Variants in RHPN2 observed in about 807,000 individuals in gnomAD.
RHPN2 encodes rhophilin Rho GTPase binding protein 2, also known as rhophilin-2.
In RHPN2, 40 loss-of-function variants were observed where a neutral mutation model predicts 79.0. The observed-to-expected ratio is 0.51, with a 90% CI of 0.39 to 0.66. The LOEUF is 0.66. RHPN2 is among the 30% of genes least tolerant of loss of function. The pLI, the probability that RHPN2 is intolerant of heterozygous loss-of-function variation, is 0.00. For synonymous variants in RHPN2, 285 were observed against 363.5 expected (o/e 0.78, Z 2.46); for missense variants, 686 against 883.5 (o/e 0.78, Z 2.83).
chr19:32,995,104 G>A (rs1429480593), intron 11 of RHPN2, among the ~76,000 whole-genome samples: 2 of 152,030 alleles, frequency 1.3e-5, no homozygotes, highest in African/African-American at 4.8e-5. Flanking sequence ...ACAGGGTGTC[G>A]CTCTGTCGCC....
intron 1 of RHPN2, among the ~76,000 whole-genome samples, chr19:33,053,513 T>C (rs1210614349): frequency 6.7e-6 from 1 of 149,808 alleles, no homozygotes; most frequent in Non-Finnish European, 1.5e-5. Flanking sequence ...AACCTCTGCC[T>C]CCTAGGTTCA....
At chr19:33,001,614 T>C (rs923763856) in intron 9 of RHPN2, among the ~76,000 whole-genome samples, 2 of 152,172 alleles carry the variant, frequency 1.3e-5, no homozygotes, top group African/African-American at 4.8e-5. Context: ...TTTATTATTA[T>C]TAGTTTTTTT....
chr19:33,039,738 T>C (rs1191730867), intron 2 of RHPN2, among the ~76,000 whole-genome samples: 2 of 151,712 alleles, frequency 1.3e-5, no homozygotes, highest in Non-Finnish European at 2.9e-5. Flanking sequence ...CTCAGGAGGC[T>C]GAGGCAGGAG....
intron 1 of RHPN2, among the ~76,000 whole-genome samples, chr19:33,050,896 C>T (rs1487783217): frequency 1.3e-5 from 2 of 152,046 alleles, no homozygotes; most frequent in Admixed American, 6.6e-5. Context: ...GAGGAACATA[C>T]TAGGGTGTGT....
intron 6 of RHPN2, among the ~76,000 whole-genome samples, chr19:33,009,966 ACAGGGTTTCGCCGTGTTGGT>A: frequency 6.6e-6 from 1 of 151,758 alleles, no homozygotes. Flanking sequence ...TTTAGTAGAG[ACAGGGTTTCGCCGTGTTGGT>A]CAGGATGGTC....
rs1332233942 is a variant in RHPN2 at position 32,991,282 on chromosome 19, C to T, written c.1644+541G>A. 9 of 190,216 alleles carry T rather than the reference C, an allele frequency of 4.7e-5. No homozygotes were observed. The East Asian group carries it at 7.0e-4, about 15-fold the overall frequency. 11.8% of individuals were successfully genotyped at this position (190,216 alleles called of 1,614,324 possible). On this transcript the variant is annotated intron_variant, in intron 13 of 14. Coordinates refer to ENST00000254260, the MANE Select transcript of RHPN2 (RefSeq NM_033103.5). ...ACCATCCTGGCTAACACAGTGAAAC[C>T]CCGTCTCTACTAAAAACACACAAAA...
chr19:32,986,350 T>C (rs1168365914), intron 14 of RHPN2, among the ~76,000 whole-genome samples: 1 of 152,210 alleles, frequency 6.6e-6, no homozygotes, highest in East Asian at 1.9e-4. Context: ...GGCTCTTTTC[T>C]CTAACCTCCT....
At chr19:32,985,851 C>T (rs1971609531) in intron 14 of RHPN2, among the ~76,000 whole-genome samples, 1 of 152,154 alleles carries the variant, frequency 6.6e-6, no homozygotes, top group South Asian at 2.1e-4. Flanking sequence ...AGGATGGTCT[C>T]GAACTCCTGG....
chr19:33,009,177 GGA>G (rs1204791847), intron 6 of RHPN2, among the ~76,000 whole-genome samples: 1 of 152,064 alleles, frequency 6.6e-6, no homozygotes, highest in African/African-American at 2.4e-5. Flanking sequence ...CTGCAAAGGT[GGA>G]TCACTGTCAT....
intron 1 of RHPN2, among the ~76,000 whole-genome samples, chr19:33,063,849 A>C (rs1423595434): frequency 3.5e-5 from 2 of 56,416 alleles, no homozygotes; most frequent in Non-Finnish European, 5.7e-5. Context: ...AGCCCCCGCC[A>C]AGTCTCCCGG....
chr19:32,999,528 G>C, intron 10 of RHPN2, 58 bp downstream of exon 10: 1 of 1,587,440 alleles, frequency 6.3e-7, no homozygotes, highest in Non-Finnish European at 8.6e-7. Context: ...GGCTGGCTGT[G>C]AGCAGGACCA....
chr19:33,029,356 C>T (rs1445218663), intron 2 of RHPN2, among the ~76,000 whole-genome samples: 1 of 151,532 alleles, frequency 6.6e-6, no homozygotes, highest in Non-Finnish European at 1.5e-5. Context: ...GAAACCCTGT[C>T]TCTACTAAAA....
At chr19:33,008,242 A>C in intron 6 of RHPN2, 62 bp from the exon 7 acceptor site, 1 of 1,517,830 alleles carries the variant, frequency 6.6e-7, no homozygotes, top group South Asian at 1.2e-5. Flanking sequence ...CTACAAGTGG[A>C]AAAAATTCTT....
chr19:32,983,629 C>CTTTT (rs558224234), intron 14 of RHPN2, among the ~76,000 whole-genome samples: 3 of 126,910 alleles, frequency 2.4e-5, no homozygotes, highest in Non-Finnish European at 3.3e-5. Context: ...TTTTAAAAGC[C>CTTTT]TTTTTTTTTT....
intron 3 of RHPN2, 111 bp from the exon 4 acceptor site, chr19:33,021,757 A>C (rs759215592): frequency 9.7e-5 from 74 of 763,796 alleles, no homozygotes; most frequent in Non-Finnish European, 1.5e-4. Context: ...TCCTTACCCC[A>C]TCCTGTACTC....
chr19:33,063,279 T>G (rs1972297453), intron 1 of RHPN2, among the ~76,000 whole-genome samples: 1 of 152,112 alleles, frequency 6.6e-6, no homozygotes. Flanking sequence ...CTTTTTTTTT[T>G]TTTAATGCTA....
At chr19:33,036,681 G>C (rs933504923) in intron 2 of RHPN2, among the ~76,000 whole-genome samples, 2 of 152,184 alleles carry the variant, frequency 1.3e-5, no homozygotes, top group Admixed American at 6.5e-5. Context: ...CGGTGCTTGC[G>C]GGCTAGCGCG....
chr19:33,062,060 G>A (rs1434244031), intron 1 of RHPN2, among the ~76,000 whole-genome samples: 2 of 152,178 alleles, frequency 1.3e-5, no homozygotes, highest in South Asian at 4.2e-4. Flanking sequence ...TAGACTCTTC[G>A]AACTGGTATG....
chr19:33,058,566 A>G (rs1972253314), intron 1 of RHPN2, among the ~76,000 whole-genome samples: 2 of 151,560 alleles, frequency 1.3e-5, no homozygotes, highest in Non-Finnish European at 2.9e-5. Context: ...TGGATTACGC[A>G]GTCAAGAGGT....
Sources: gnomAD v4.1 joint callset for allele counts (sites outside exome capture counted in the v4.1 genomes callset) on GRCh38, gnomAD v4.1.1 for gene constraint, MANE v1.5 for transcripts, NCBI Gene and HGNC (gene_info 2026-07-23, HGNC 2026-07-21) for gene names.